COMMD1: variants seen among roughly 807,000 people sequenced by gnomAD.
The protein encoded by COMMD1 is copper metabolism domain containing 1, also known as COMM domain-containing protein 1.
Under a neutral mutation model 17.2 loss-of-function variants are expected in COMMD1, and 10 were observed. The observed-to-expected ratio is 0.58, with a 90% confidence interval of 0.36 to 0.99. COMMD1 has a LOEUF of 0.99. Among genes scored for constraint, COMMD1 ranks in the 50% least tolerant of loss-of-function variants. The probability of loss-of-function intolerance (pLI) is 0.01; values close to 1 mark genes in which losing one functional copy is unlikely to be tolerated. For missense variants in COMMD1, 270 were observed against 231.8 expected (o/e 1.17, Z -1.07); for synonymous variants, 97 against 91.6 (o/e 1.06, Z -0.34).
At chr2:61,963,159 C>CAA (rs1393298930) in intron 1 of COMMD1, among the ~76,000 whole-genome samples, 6,615 of 119,454 alleles carry the variant, frequency 0.055, 601 homozygotes, top group African/African-American at 0.2. Context: ...GACCCTGTCT[C>CAA]AAAAAAAAAA....
chr2:61,992,718 A>G (rs1418179843), intron 1 of COMMD1, among the ~76,000 whole-genome samples: 1 of 152,188 alleles, frequency 6.6e-6, no homozygotes, highest in Non-Finnish European at 1.5e-5. Flanking sequence ...AACCAAATGT[A>G]GCCTCCACCA....
At chr2:62,049,218 C>T (rs1300930343) in intron 2 of COMMD1, among the ~76,000 whole-genome samples, 1 of 149,492 alleles carries the variant, frequency 6.7e-6, no homozygotes, top group Admixed American at 6.6e-5. Context: ...AAAAAAAAGA[C>T]CTAGCCCTTG....
intron 1 of COMMD1, among the ~76,000 whole-genome samples, chr2:61,923,289 T>C (rs1385950934): frequency 6.6e-6 from 1 of 152,178 alleles, no homozygotes; most frequent in African/African-American, 2.4e-5. Context: ...AGAATTGTAA[T>C]CCTTTTAGTC....
intron 2 of COMMD1, among the ~76,000 whole-genome samples, chr2:62,111,754 T>C (rs1672462084): frequency 6.6e-6 from 1 of 152,168 alleles, no homozygotes; most frequent in African/African-American, 2.4e-5. Context: ...GGCCATCCAG[T>C]CTTTTAGTTC....
chr2:61,907,072 T>C (rs1669792005), intron 1 of COMMD1, among the ~76,000 whole-genome samples: 1 of 152,234 alleles, frequency 6.6e-6, no homozygotes, highest in African/African-American at 2.4e-5. Flanking sequence ...TTAGTTGATA[T>C]CAGTCATAAA....
chr2:62,009,601 CAA>C (rs548120221), intron 2 of COMMD1, among the ~76,000 whole-genome samples: 15 of 72,916 alleles, frequency 2.1e-4, no homozygotes, highest in Admixed American at 3.0e-4. Context: ...GAGACTGTCT[CAA>C]AAAAAAAAAA....
intron 2 of COMMD1, among the ~76,000 whole-genome samples, chr2:62,123,522 GAA>G (rs200376990): frequency 8.5e-6 from 1 of 117,482 alleles, no homozygotes; most frequent in East Asian, 2.3e-4. Context: ...TAAAAAAAAA[GAA>G]AAAAAAAAAC....
At chr2:62,105,653 G>T (rs950120614) in intron 2 of COMMD1, among the ~76,000 whole-genome samples, 2 of 152,122 alleles carry the variant, frequency 1.3e-5, no homozygotes, top group African/African-American at 2.4e-5. Flanking sequence ...GCAAACCCCC[G>T]TGTCTACTAA....
At chr2:61,946,482 A>G (rs1670910154) in intron 1 of COMMD1, among the ~76,000 whole-genome samples, 2 of 152,302 alleles carry the variant, frequency 1.3e-5, no homozygotes, top group South Asian at 4.1e-4. Flanking sequence ...CCAATAAGAC[A>G]CAGAATCTTT....
intron 1 of COMMD1, among the ~76,000 whole-genome samples, chr2:61,965,105 T>C (rs908896632): frequency 3.9e-5 from 6 of 152,208 alleles, no homozygotes; most frequent in African/African-American, 1.4e-4. Flanking sequence ...CTGACTTTTA[T>C]GTTTTTAGCT....
upstream of COMMD1, chr2:61,905,618 A>G: frequency 6.8e-7 from 1 of 1,462,010 alleles, no homozygotes; most frequent in Middle Eastern, 2.5e-4. Context: ...CTATTTAGGC[A>G]CATCTCGGCC....
intron 2 of COMMD1, among the ~76,000 whole-genome samples, chr2:62,109,563 A>G (rs1042662939): frequency 2.0e-5 from 3 of 152,266 alleles, no homozygotes; most frequent in African/African-American, 4.8e-5. Flanking sequence ...AGATGAAGAA[A>G]GTCAGGCTCC....
chr2:62,111,043 T>C (rs1462094809), intron 2 of COMMD1, among the ~76,000 whole-genome samples: 5 of 152,198 alleles, frequency 3.3e-5, no homozygotes, highest in African/African-American at 1.2e-4. Context: ...GTATTCCCTA[T>C]TGATTGAGTC....
intron 2 of COMMD1, among the ~76,000 whole-genome samples, chr2:62,018,537 T>G (rs1282950906): frequency 4.6e-5 from 7 of 152,228 alleles, no homozygotes; most frequent in African/African-American, 1.4e-4. Context: ...GATCACTGTT[T>G]CAGTTTTTAA....
At chr2:61,983,540 C>G (rs960542304) in intron 1 of COMMD1, among the ~76,000 whole-genome samples, 1 of 151,836 alleles carries the variant, frequency 6.6e-6, no homozygotes, top group Non-Finnish European at 1.5e-5. Flanking sequence ...TTGGTCTGTT[C>G]AGGTTTTGGA....
intron 1 of COMMD1, among the ~76,000 whole-genome samples, chr2:61,954,867 G>T (rs991686800): frequency 2.6e-5 from 4 of 152,096 alleles, no homozygotes; most frequent in Admixed American, 6.5e-5. Context: ...TAGAGACGGG[G>T]TTTCACCGTG....
intron 1 of COMMD1, among the ~76,000 whole-genome samples, chr2:61,944,936 T>C (rs1340589162): frequency 1.3e-5 from 2 of 152,200 alleles, no homozygotes; most frequent in South Asian, 2.1e-4. Flanking sequence ...TGCATGGTTT[T>C]GTTTTGTTTT....
rs201354350 is a variant in COMMD1 at position 61,927,818 on chromosome 2, CA to C, written c.180+21961del. ...GAGACTGAGTTTCACTCTTGTTGCC[CA>C]GGCTGGAGTGCAATGGCTCACTGCA... On this transcript the variant is annotated intron_variant, in intron 1 of 2. Coordinates refer to ENST00000311832, the MANE Select transcript of COMMD1 (RefSeq NM_152516.4). 7.9e-3 allele frequency among the ~76,000 whole-genome samples: 1,196 copies of C among 152,224 alleles called. 22 individuals are homozygous for C. Among genetic ancestry groups the C allele is most frequent in the African/African-American group, 0.028 (1,161 of 41,516 alleles).
intron 1 of COMMD1, among the ~76,000 whole-genome samples, chr2:61,951,274 G>A (rs1362382132): frequency 6.6e-6 from 1 of 152,116 alleles, no homozygotes; most frequent in Non-Finnish European, 1.5e-5. Flanking sequence ...GACCAGCCTG[G>A]CAAATGTGGC....
Sources: gnomAD v4.1 joint callset for allele counts (sites outside exome capture counted in the v4.1 genomes callset) on GRCh38, gnomAD v4.1.1 for gene constraint, MANE v1.5 for transcripts, NCBI Gene and HGNC (gene_info 2026-07-23, HGNC 2026-07-21) for gene names.